The following TLN2 variants were observed in gnomAD, a reference collection of about 807,000 sequenced individuals.
TLN2 encodes talin-2.
A neutral mutation model predicts 294.7 loss-of-function variants in TLN2; 118 were observed. The ratio of observed to expected loss-of-function variants is 0.40; its 90% CI spans 0.34 to 0.47. TLN2 has a LOEUF of 0.47. Among genes scored for constraint, TLN2 ranks in the 20% least tolerant of loss-of-function variants. TLN2 has a pLI of 0.84. For missense variants in TLN2, 3,083 were observed against 3,282.2 expected (o/e 0.94, Z 1.48); for synonymous variants, 1,431 against 1,304.5 (o/e 1.10, Z -2.09).
At chr15:62,505,696 G>A (rs749323346) in intron 1 of TLN2, among the ~76,000 whole-genome samples, 8 of 152,160 alleles carry the variant, frequency 5.3e-5, no homozygotes, top group Non-Finnish European at 1.0e-4. Context: ...CCCTGTGCTT[G>A]GTTAAGAATT....
chr15:62,837,528 G>T (rs898423430), intron 57 of TLN2, among the ~76,000 whole-genome samples: 1 of 152,186 alleles, frequency 6.6e-6, no homozygotes. Context: ...GATTTACACA[G>T]ATAGAATGCA....
chr15:62,712,207 A>G, intron 22 of TLN2, 130 bp downstream of exon 22: 1 of 1,131,012 alleles, frequency 8.8e-7, no homozygotes, highest in Non-Finnish European at 1.2e-6. Context: ...ATGGCTTGTA[A>G]CATCTAACCC....
At chr15:62,529,828 A>G (rs960220344) in intron 1 of TLN2, among the ~76,000 whole-genome samples, 1 of 152,236 alleles carries the variant, frequency 6.6e-6, no homozygotes, top group African/African-American at 2.4e-5. Context: ...ATAGTATTCT[A>G]TCATATGGAT....
intron 1 of TLN2, among the ~76,000 whole-genome samples, chr15:62,500,457 C>G (rs1321581538): frequency 6.6e-6 from 1 of 152,196 alleles, no homozygotes; most frequent in African/African-American, 2.4e-5. Context: ...AGTACATAGG[C>G]ATTGTGACTG....
chr15:62,424,479 T>G (rs1369101483), intron 1 of TLN2, among the ~76,000 whole-genome samples: 1 of 152,126 alleles, frequency 6.6e-6, no homozygotes, highest in Non-Finnish European at 1.5e-5. Context: ...TACTTGTCTG[T>G]GTACACGCAC....
chr15:62,793,378 G>T (rs1479420930), intron 46 of TLN2, among the ~76,000 whole-genome samples: 1 of 152,234 alleles, frequency 6.6e-6, no homozygotes, highest in Middle Eastern at 3.4e-3. Flanking sequence ...AGTGAAGAAG[G>T]CTCTAAGATC....
chr15:62,520,362 A>G (rs1366172514), intron 1 of TLN2, among the ~76,000 whole-genome samples: 1 of 152,216 alleles, frequency 6.6e-6, no homozygotes, highest in South Asian at 2.1e-4. Context: ...GCACATTTCC[A>G]TCTCCATGCT....
chr15:62,779,856 G>C (rs1339755488), intron 43 of TLN2, among the ~76,000 whole-genome samples: 2 of 152,206 alleles, frequency 1.3e-5, no homozygotes, highest in African/African-American at 4.8e-5. Flanking sequence ...TATATGCTGG[G>C]CTATGCAGCC....
intron 55 of TLN2, chr15:62,834,863 G>C (rs923006134): frequency 7.9e-5 from 12 of 152,156 alleles, no homozygotes; most frequent in African/African-American, 2.7e-4. Flanking sequence ...TTAGATACTA[G>C]AGAATCCAAC....
At chr15:62,599,165 T>C (rs1386033746) in intron 2 of TLN2, among the ~76,000 whole-genome samples, 2 of 152,168 alleles carry the variant, frequency 1.3e-5, no homozygotes, top group Non-Finnish European at 2.9e-5. Flanking sequence ...CAAACAGGTA[T>C]TGAATAAAAG....
At chr15:62,771,545 C>T (rs1200073387) in intron 42 of TLN2, among the ~76,000 whole-genome samples, 1 of 152,182 alleles carries the variant, frequency 6.6e-6, no homozygotes, top group Admixed American at 6.5e-5. Flanking sequence ...TCTCCCATAC[C>T]AGTTTGCAAG....
intron 7 of TLN2, among the ~76,000 whole-genome samples, chr15:62,655,297 A>C (rs1011101487): frequency 1.3e-5 from 2 of 152,132 alleles, no homozygotes; most frequent in Non-Finnish European, 2.9e-5. Flanking sequence ...TGTTGGAGTG[A>C]GAGCTGTGAA....
At chr15:62,682,045 G>A (rs938131256) in intron 11 of TLN2, among the ~76,000 whole-genome samples, 5 of 152,168 alleles carry the variant, frequency 3.3e-5, no homozygotes, top group Admixed American at 3.3e-4. Flanking sequence ...ATGAGCCACT[G>A]TATCTGGCCT....
At chr15:62,551,592 G>C (rs1019970050) in intron 1 of TLN2, among the ~76,000 whole-genome samples, 3 of 151,894 alleles carry the variant, frequency 2.0e-5, no homozygotes, top group Non-Finnish European at 4.4e-5. Flanking sequence ...CCAGCTACTC[G>C]GGAGGCTAAG....
At chr15:62,826,326 G>C (rs551238231) in intron 54 of TLN2, among the ~76,000 whole-genome samples, 6 of 152,320 alleles carry the variant, frequency 3.9e-5, no homozygotes, top group Non-Finnish European at 7.3e-5. Context: ...TAATCATGCA[G>C]GTGCGGACCT....
At chr15:62,769,689 A>C (rs1003980976) in intron 41 of TLN2, among the ~76,000 whole-genome samples, 1 of 151,842 alleles carries the variant, frequency 6.6e-6, no homozygotes, top group Non-Finnish European at 1.5e-5. Context: ...CTGCTGGCCC[A>C]GTGACTGCTC....
At chr15:62,744,532 G>T (rs1013240673) in intron 32 of TLN2, among the ~76,000 whole-genome samples, 1 of 150,382 alleles carries the variant, frequency 6.6e-6, no homozygotes, top group Non-Finnish European at 1.5e-5. Flanking sequence ...CCAGCTAGAT[G>T]ATTATTATTA....
chr15:62,391,400 A>T (rs2032074989), intron 1 of TLN2, among the ~76,000 whole-genome samples: 1 of 152,090 alleles, frequency 6.6e-6, no homozygotes, highest in African/African-American at 2.4e-5. Flanking sequence ...CCTCACACAG[A>T]CTCAGCGGCT....
At chr15:62,744,054 T>A (rs144357876) in intron 32 of TLN2, among the ~76,000 whole-genome samples, 63 of 152,328 alleles carry the variant, frequency 4.1e-4, no homozygotes, top group African/African-American at 1.4e-3. Flanking sequence ...CAAGAGACCT[T>A]TGCTCTCTGT....
Sources: gnomAD v4.1 joint callset for allele counts (sites outside exome capture counted in the v4.1 genomes callset) on GRCh38, gnomAD v4.1.1 for gene constraint, MANE v1.5 for transcripts, NCBI Gene and HGNC (gene_info 2026-07-23, HGNC 2026-07-21) for gene names.